The following CTNNA3 variants were observed in gnomAD, a reference collection of about 807,000 sequenced individuals.
CTNNA3 encodes the protein catenin alpha 3.
Under a neutral mutation model 95.7 loss-of-function variants are expected in CTNNA3, and 76 were observed. The observed-to-expected ratio is 0.79, with a 90% CI of 0.66 to 0.96. The LOEUF (loss-of-function observed/expected upper bound fraction) is 0.96, where lower values mean the gene tolerates loss of function less well. Among genes scored for constraint, CTNNA3 ranks in the 40% least tolerant of loss-of-function variants. CTNNA3 has a pLI of 0.00. For synonymous variants in CTNNA3, 431 were observed against 374.4 expected, an observed-to-expected ratio of 1.15 and a Z score of -1.74; for missense variants, 1,191 against 1,089.8, an observed-to-expected ratio of 1.09 and a Z score of -1.31.
intron 15 of CTNNA3, among the ~76,000 whole-genome samples, chr10:65,991,708 G>A (rs1481072753): frequency 6.6e-6 from 1 of 151,848 alleles, no homozygotes; most frequent in African/African-American, 2.4e-5. Flanking sequence ...GGACAATTTG[G>A]CCTCCCATTT....
intron 16 of CTNNA3, among the ~76,000 whole-genome samples, chr10:65,976,582 G>A (rs961633277): frequency 2.6e-5 from 4 of 152,102 alleles, no homozygotes; most frequent in African/African-American, 9.7e-5. Context: ...GAAGCAGTCA[G>A]TTTTATAACC....
At chr10:66,274,993 T>G (rs908939771) in intron 13 of CTNNA3, among the ~76,000 whole-genome samples, 1 of 152,218 alleles carries the variant, frequency 6.6e-6, no homozygotes, top group Non-Finnish European at 1.5e-5. Context: ...TTTTGGATGC[T>G]GTGATATAGT....
intron 7 of CTNNA3, among the ~76,000 whole-genome samples, chr10:67,037,301 C>G (rs1854119311): frequency 6.6e-6 from 1 of 150,818 alleles, no homozygotes; most frequent in Admixed American, 6.6e-5. Context: ...TCTCTTCTTT[C>G]ATGTACTCAG....
At chr10:67,601,036 G>C (rs1012815865) in intron 3 of CTNNA3, among the ~76,000 whole-genome samples, 1 of 152,190 alleles carries the variant, frequency 6.6e-6, no homozygotes, top group South Asian at 2.1e-4. Flanking sequence ...CGGGGACAAG[G>C]GGCCCTCTTA....
At chr10:66,218,024 C>T (rs1306937712) in intron 13 of CTNNA3, among the ~76,000 whole-genome samples, 1 of 152,056 alleles carries the variant, frequency 6.6e-6, no homozygotes, top group African/African-American at 2.4e-5. Context: ...CAGGCCTCTC[C>T]AGCTCCTGTG....
chr10:67,539,784 AT>A, intron 3 of CTNNA3, 115 bp from the exon 4 acceptor site: 1 of 873,384 alleles, frequency 1.1e-6, no homozygotes, highest in Non-Finnish European at 1.7e-6. Context: ...ATATAAAAAT[AT>A]TGTCAGTTGA....
At chr10:66,411,775 T>C (rs2093107309) in intron 11 of CTNNA3, among the ~76,000 whole-genome samples, 1 of 152,044 alleles carries the variant, frequency 6.6e-6, no homozygotes, top group Non-Finnish European at 1.5e-5. Flanking sequence ...TTTACATGAG[T>C]GTCTTTTAGA....
chr10:66,369,381 G>A (rs967685250), intron 12 of CTNNA3, among the ~76,000 whole-genome samples: 4 of 152,116 alleles, frequency 2.6e-5, no homozygotes, highest in South Asian at 2.1e-4. Context: ...ACACCTGATC[G>A]ATGTCCACTT....
At chr10:66,564,123 G>A (rs764612726) in intron 10 of CTNNA3, among the ~76,000 whole-genome samples, 12 of 151,976 alleles carry the variant, frequency 7.9e-5, no homozygotes, top group Non-Finnish European at 1.3e-4. Flanking sequence ...AGATATTTTG[G>A]GTTCACAATA....
chr10:67,544,724 A>G (rs1052440065), intron 3 of CTNNA3, among the ~76,000 whole-genome samples: 5 of 152,206 alleles, frequency 3.3e-5, no homozygotes, highest in African/African-American at 9.6e-5. Flanking sequence ...TCCAACCACC[A>G]GACTGGAAAA....
intron 7 of CTNNA3, among the ~76,000 whole-genome samples, chr10:66,981,209 C>T (rs2132880839): frequency 6.6e-6 from 1 of 152,266 alleles, no homozygotes; most frequent in East Asian, 1.9e-4. Flanking sequence ...CAGCCACATC[C>T]AGTTTTTCTA....
intron 7 of CTNNA3, among the ~76,000 whole-genome samples, chr10:66,778,293 A>G (rs558185010): frequency 6.6e-6 from 1 of 152,288 alleles, no homozygotes; most frequent in African/African-American, 2.4e-5. Context: ...TAGCATAAAA[A>G]TAAATAAGGC....
chr10:66,098,989 A>G (rs115795647), intron 14 of CTNNA3, among the ~76,000 whole-genome samples: 237 of 152,318 alleles, frequency 1.6e-3, no homozygotes, highest in African/African-American at 5.6e-3. Flanking sequence ...GGCATTTGCC[A>G]CTGGTGACAA....
chr10:67,562,161 C>T (rs1444128886), intron 3 of CTNNA3, among the ~76,000 whole-genome samples: 1 of 152,166 alleles, frequency 6.6e-6, no homozygotes, highest in South Asian at 2.1e-4. Flanking sequence ...CATCCTGATA[C>T]CAGAGCCGGG....
chr10:67,302,753 A>G (rs940581338), intron 5 of CTNNA3, among the ~76,000 whole-genome samples: 1 of 152,210 alleles, frequency 6.6e-6, no homozygotes, highest in African/African-American at 2.4e-5. Context: ...ATACATGACA[A>G]AACTAATTCC....
chr10:66,112,674 C>T (rs779328368), intron 13 of CTNNA3, among the ~76,000 whole-genome samples: 4 of 152,036 alleles, frequency 2.6e-5, no homozygotes, highest in Non-Finnish European at 5.9e-5. Flanking sequence ...CTCATGGTTT[C>T]TAGGAGTGTA....
intron 15 of CTNNA3, among the ~76,000 whole-genome samples, chr10:66,000,879 C>T (rs980632686): frequency 1.3e-5 from 2 of 152,126 alleles, no homozygotes; most frequent in African/African-American, 2.4e-5. Flanking sequence ...GGGATTTGAA[C>T]TCAGGGAATG....
At chr10:67,521,786 A>T (rs560858515) in intron 5 of CTNNA3, 56 bp downstream of exon 5, 1 of 1,574,830 alleles carries the variant, frequency 6.3e-7, no homozygotes. Flanking sequence ...GACAGGCAGG[A>T]TGGCAGGAAG....
intron 5 of CTNNA3, among the ~76,000 whole-genome samples, chr10:67,292,205 C>A (rs1839865081): frequency 6.6e-6 from 1 of 151,968 alleles, no homozygotes. Context: ...CACAGCAGGG[C>A]AGAGAGAAAG....
Sources: gnomAD v4.1 joint callset for allele counts (sites outside exome capture counted in the v4.1 genomes callset) on GRCh38, gnomAD v4.1.1 for gene constraint, MANE v1.5 for transcripts, NCBI Gene and HGNC (gene_info 2026-07-23, HGNC 2026-07-21) for gene names.